The following THSD7A variants were observed in gnomAD, a reference collection of about 807,000 sequenced individuals.
The protein encoded by THSD7A is thrombospondin type 1 domain containing 7A.
THSD7A carries 96 observed loss-of-function variants against 231.3 expected under a neutral mutation model. That is an observed-to-expected ratio of 0.41 (90% CI 0.35 to 0.49). THSD7A has a LOEUF of 0.49. Ranked by LOEUF, THSD7A falls within the 20% of genes least tolerant of loss-of-function variation. The pLI, the probability that THSD7A is intolerant of heterozygous loss-of-function variation, is 0.05. For synonymous variants in THSD7A, 940 were observed against 743.3 expected, an observed-to-expected ratio of 1.26 and a Z score of -4.30; for missense variants, 2,290 against 2,070.2, an observed-to-expected ratio of 1.11 and a Z score of -2.06.
chr7:11,428,970 G>A lies in THSD7A; in HGVS notation c.3220C>T (p.Pro1074Ser). Residue 1074 changes from proline (P) to serine (S), a missense_variant, in exon 14 of 28, where the codon CCC (proline) becomes TCC (serine). Transcript: ENST00000423059. ...ACCTGGTTGACATGGTCCAGTTTGG[G>A]GCAAGGCCTTCCTCCATTATATGGT... ...EKPYNGGRPC[P>S]KLDHVNQAQV... The A allele has an allele frequency of 1.2e-6, 2 of 1,610,494 alleles. No individual in the cohort carries two copies. Among genetic ancestry groups the A allele is most frequent in the Non-Finnish European group, 1.7e-6 (2 of 1,178,484 alleles).
At chr7:11,722,568 A>T (rs1481664673) in intron 1 of THSD7A, among the ~76,000 whole-genome samples, 3 of 151,774 alleles carry the variant, frequency 2.0e-5, no homozygotes, top group Non-Finnish European at 4.4e-5. Flanking sequence ...AACCACTGTG[A>T]TTTTATCCAC....
In THSD7A at chr7:11,444,289, C is replaced by T. The variant is rs1262291755; in HGVS notation, c.3064+1772G>A. On this transcript the variant is annotated intron_variant, in intron 13 of 27. Transcript: ENST00000423059. The surrounding 1 kb of genome is among the most constrained non-coding windows in gnomAD (Gnocchi z 4.2). ...CAGAAATACCATTTGACCCAGCAAT[C>T]CCATTACTGGGTATATACCCGAAGG... Among the ~76,000 whole-genome samples, 1 of 152,072 alleles carries T rather than the reference C, an allele frequency of 6.6e-6. No homozygotes were observed. Among genetic ancestry groups the T allele is most frequent in the Non-Finnish European group, 1.5e-5 (1 of 68,010 alleles).
chr7:11,640,980 A>G (rs1782057213), intron 1 of THSD7A, among the ~76,000 whole-genome samples: 2 of 152,078 alleles, frequency 1.3e-5, no homozygotes, highest in Non-Finnish European at 2.9e-5. Context: ...TTCTTTATTG[A>G]TTTTTCACAA....
intron 26 of THSD7A, 115 bp downstream of exon 26, chr7:11,378,955 T>C: frequency 1.1e-6 from 1 of 912,850 alleles, no homozygotes; most frequent in Non-Finnish European, 1.7e-6. Context: ...AATAAATGCA[T>C]GTAGATAAAA....
intron 4 of THSD7A, among the ~76,000 whole-genome samples, chr7:11,544,940 A>G (rs1006789353): frequency 6.6e-6 from 1 of 152,226 alleles, no homozygotes; most frequent in Non-Finnish European, 1.5e-5. Context: ...GCATCACAAC[A>G]GCAGCCGAAG....
At chr7:11,542,872 A>G in intron 5 of THSD7A, 90 bp downstream of exon 5, 1 of 1,393,810 alleles carries the variant, frequency 7.2e-7, no homozygotes, top group Non-Finnish European at 9.6e-7. Flanking sequence ...AAATACCACA[A>G]ACAAGGAACA....
intron 1 of THSD7A, among the ~76,000 whole-genome samples, chr7:11,641,674 G>A (rs1782085225): frequency 1.3e-5 from 2 of 151,718 alleles, no homozygotes; most frequent in African/African-American, 4.8e-5. Context: ...GATCTACTGA[G>A]GCTAAAGGAA....
At chr7:11,548,775 G>A (rs39) in intron 4 of THSD7A, among the ~76,000 whole-genome samples, 58,700 of 151,484 alleles carry the variant, frequency 0.39, 12,143 homozygotes, top group Admixed American at 0.59. Context: ...CTCAATAGAC[G>A]CAGAAAAGTC....
chr7:11,827,405 G>C (rs1308325499), intron 1 of THSD7A, among the ~76,000 whole-genome samples: 1 of 151,964 alleles, frequency 6.6e-6, no homozygotes, highest in South Asian at 2.1e-4. Flanking sequence ...CCTCATACTT[G>C]ATATTTTCTA....
intron 1 of THSD7A, among the ~76,000 whole-genome samples, chr7:11,783,494 T>C (rs1783695777): frequency 2.0e-5 from 3 of 152,162 alleles, no homozygotes; most frequent in Non-Finnish European, 4.4e-5. Flanking sequence ...CATTTGGTCA[T>C]CCCATTAAGG....
At chr7:11,438,357 C>T (rs1051227196) in intron 13 of THSD7A, among the ~76,000 whole-genome samples, 7 of 151,888 alleles carry the variant, frequency 4.6e-5, no homozygotes, top group Admixed American at 3.3e-4. Context: ...ATTTGTAGAG[C>T]CTTCTTTTTA....
chr7:11,476,835 AGATAGTGT>A (rs1221698793), intron 7 of THSD7A, among the ~76,000 whole-genome samples: 3 of 103,744 alleles, frequency 2.9e-5, no homozygotes, highest in Non-Finnish European at 7.5e-5. Context: ...AAAAAAAAAA[AGATAGTGT>A]AGAAAGCGAT....
At chr7:11,806,916 A>G (rs1784414133) in intron 1 of THSD7A, among the ~76,000 whole-genome samples, 2 of 152,064 alleles carry the variant, frequency 1.3e-5, no homozygotes, top group African/African-American at 4.8e-5. Context: ...TCAGACCTCA[A>G]GTATAATTTC....
intron 4 of THSD7A, among the ~76,000 whole-genome samples, chr7:11,577,215 T>C (rs1465415398): frequency 6.6e-6 from 1 of 152,242 alleles, no homozygotes; most frequent in African/African-American, 2.4e-5. Context: ...ACAGTACTTC[T>C]GGGATTCTTA....
intron 16 of THSD7A, among the ~76,000 whole-genome samples, chr7:11,419,382 C>T (rs951824373): frequency 4.6e-5 from 7 of 152,070 alleles, no homozygotes; most frequent in African/African-American, 1.4e-4. Context: ...GCACTTCCCC[C>T]TTTGCTTTTT....
intron 7 of THSD7A, among the ~76,000 whole-genome samples, chr7:11,480,274 A>T (rs905695220): frequency 6.6e-6 from 1 of 152,174 alleles, no homozygotes; most frequent in Non-Finnish European, 1.5e-5. Context: ...GTGAAGCATC[A>T]TGTCTACAGG....
intron 1 of THSD7A, among the ~76,000 whole-genome samples, chr7:11,822,569 G>T (rs111760846): frequency 2.0e-5 from 3 of 152,126 alleles, no homozygotes; most frequent in African/African-American, 7.2e-5. Flanking sequence ...ATACCCAGCA[G>T]TTGGATTGAT....
intron 1 of THSD7A, among the ~76,000 whole-genome samples, chr7:11,757,963 C>T (rs1782737725): frequency 6.7e-6 from 1 of 149,130 alleles, no homozygotes; most frequent in Non-Finnish European, 1.5e-5. Context: ...TTATTGACCA[C>T]TTACTGTTTT....
chr7:11,389,943 C>G (rs1021679268), intron 23 of THSD7A, among the ~76,000 whole-genome samples: 6 of 152,146 alleles, frequency 3.9e-5, no homozygotes, highest in African/African-American at 1.4e-4. Flanking sequence ...TATGGGCCCC[C>G]ACTCTCTTCT....
Sources: gnomAD v4.1 joint callset for allele counts (sites outside exome capture counted in the v4.1 genomes callset) on GRCh38, gnomAD v4.1.1 for gene constraint, Gnocchi (gnomAD v3.1) non-coding constraint, MANE v1.5 for transcripts, NCBI Gene and HGNC (gene_info 2026-07-23, HGNC 2026-07-21) for gene names.